The following FBXL20 variants were observed in gnomAD, a reference collection of about 807,000 sequenced individuals.
FBXL20 encodes the protein F-box and leucine rich repeat protein 20.
FBXL20 carries 11 observed loss-of-function variants against 64.0 expected under a neutral mutation model. The observed-to-expected ratio is 0.17, with a 90% CI of 0.11 to 0.28. The LOEUF (loss-of-function observed/expected upper bound fraction) is 0.28, where lower values mean the gene tolerates loss of function less well. Among genes scored for constraint, FBXL20 ranks in the 10% least tolerant of loss-of-function variants. The probability of loss-of-function intolerance (pLI) is 1.00; values close to 1 mark genes in which losing one functional copy is unlikely to be tolerated. For missense variants in FBXL20, 303 were observed against 526.2 expected, an observed-to-expected ratio of 0.58 and a Z score of 4.15; for synonymous variants, 184 against 189.0, an observed-to-expected ratio of 0.97 and a Z score of 0.22.
intron 6 of FBXL20, among the ~76,000 whole-genome samples, chr17:39,290,931 C>T (rs2047032076): frequency 6.6e-6 from 1 of 151,412 alleles, no homozygotes; most frequent in Non-Finnish European, 1.5e-5. Context: ...TTTGAACAAT[C>T]AACTTTTACT....
chr17:39,279,773 C>G (rs915731603), intron 9 of FBXL20, among the ~76,000 whole-genome samples: 4 of 152,084 alleles, frequency 2.6e-5, no homozygotes, highest in African/African-American at 9.7e-5. Flanking sequence ...TGGCACATGT[C>G]TGTAGTCCCA....
At chr17:39,351,332 G>C (rs1369882437) in intron 1 of FBXL20, among the ~76,000 whole-genome samples, 3 of 123,132 alleles carry the variant, frequency 2.4e-5, no homozygotes, top group Non-Finnish European at 4.8e-5. Flanking sequence ...GAGAAACTCT[G>C]TCTCACCAAA....
At chr17:39,373,018 T>A (rs563419964) in intron 1 of FBXL20, among the ~76,000 whole-genome samples, 6 of 152,188 alleles carry the variant, frequency 3.9e-5, no homozygotes, top group East Asian at 1.9e-4. Context: ...TTTTTTTTTT[T>A]AATCAGACTA....
intron 2 of FBXL20, among the ~76,000 whole-genome samples, chr17:39,312,517 A>G (rs554389738): frequency 7.3e-6 from 1 of 137,404 alleles, no homozygotes; most frequent in East Asian, 2.1e-4. Flanking sequence ...ACCACTCTAC[A>G]TCTAGTATGT....
intron 14 of FBXL20, among the ~76,000 whole-genome samples, chr17:39,261,865 G>A (rs2046749319): frequency 6.6e-6 from 1 of 152,168 alleles, no homozygotes; most frequent in African/African-American, 2.4e-5. Flanking sequence ...GGCGGATCAC[G>A]AGGTCAGGAG....
chr17:39,263,849 C>T, intron 14 of FBXL20: 1 of 205,248 alleles, frequency 4.9e-6, no homozygotes, highest in Non-Finnish European at 9.8e-6. Flanking sequence ...CCTTTCTTTC[C>T]TTTAGAACAA....
intron 6 of FBXL20, among the ~76,000 whole-genome samples, chr17:39,289,331 G>A (rs1019653995): frequency 2.6e-5 from 4 of 152,166 alleles, no homozygotes; most frequent in Non-Finnish European, 4.4e-5. Flanking sequence ...TGAATCTGTA[G>A]AACAATTTAA....
intron 2 of FBXL20, among the ~76,000 whole-genome samples, chr17:39,336,348 T>C (rs1038402621): frequency 1.3e-5 from 2 of 152,096 alleles, no homozygotes; most frequent in African/African-American, 4.8e-5. Flanking sequence ...CTTTTAAAAA[T>C]AGCTAATACA....
Position 39,401,391 on chromosome 17 carries a change from G to A in FBXL20, c.12C>T (p.Asp4=), listed in dbSNP as rs1199368117. MRR[D]VNGVTKSRFE... ...ACCTGCTCTTGGTCACTCCGTTCACGTCCCTCCTCATGGGGCCGGCGGGTG... is the reference window on the plus strand; with the variant it reads ...ACCTGCTCTTGGTCACTCCGTTCACATCCCTCCTCATGGGGCCGGCGGGTG... Residue 4 remains aspartate, a synonymous_variant, in exon 1 of 15, where the codon GAC becomes GAT. Coordinates refer to ENST00000264658, the MANE Select transcript of FBXL20 (RefSeq NM_032875.3). 2.5e-6 allele frequency: 4 copies of A among 1,610,912 alleles called. No homozygotes were observed. Among genetic ancestry groups the A allele is most frequent in the African/African-American group, 1.3e-5 (1 of 74,876 alleles).
chr17:39,354,308 G>A (rs1348858429), intron 1 of FBXL20, among the ~76,000 whole-genome samples: 4 of 152,218 alleles, frequency 2.6e-5, no homozygotes, highest in African/African-American at 9.6e-5. Flanking sequence ...TTTTGTTCAT[G>A]CTATTTTCTT....
intron 5 of FBXL20, 38 bp downstream of exon 5, chr17:39,298,952 C>T: frequency 1.3e-6 from 2 of 1,537,000 alleles, no homozygotes; most frequent in Non-Finnish European, 1.8e-6. Context: ...CTGCTCTTCA[C>T]TTCCATCAAG....
intron 10 of FBXL20, 106 bp from the exon 11 acceptor site, chr17:39,270,962 G>C: frequency 1.1e-6 from 1 of 882,842 alleles, no homozygotes; most frequent in Non-Finnish European, 1.7e-6. Context: ...ATTCTCTAAG[G>C]ACTTTATAAT....
intron 6 of FBXL20, among the ~76,000 whole-genome samples, chr17:39,290,154 C>T (rs897719975): frequency 6.6e-6 from 1 of 150,548 alleles, no homozygotes; most frequent in Non-Finnish European, 1.5e-5. Flanking sequence ...TTAAGTTTAT[C>T]CTTATATTTT....
In FBXL20 at chr17:39,260,743, AAG is replaced by A. The variant is rs2046737907; in HGVS notation, c.*715_*716del. 1 of 152,942 alleles carries A rather than the reference AAG, an allele frequency of 6.5e-6. No homozygotes were observed. Among genetic ancestry groups the A allele is most frequent in the Non-Finnish European group, 1.5e-5 (1 of 68,208 alleles). The allele number at this position is 152,942 out of a possible 1,614,324, so 9.5% of individuals were successfully genotyped here. A position where few individuals can be genotyped will look rare whatever the true frequency, so the allele number is the denominator to read the frequency against. On this transcript the variant is annotated 3_prime_UTR_variant, in exon 15 of 15. Coordinates refer to ENST00000264658, the MANE Select transcript of FBXL20 (RefSeq NM_032875.3). Reference sequence around the variant, plus strand: ...AGACTGAACAGGTGACAGACTGAGCAAGAGTGTGGGGGGGAGCAACAGAGAAT... The same window carrying A: ...AGACTGAACAGGTGACAGACTGAGCAAGTGTGGGGGGGAGCAACAGAGAAT...
intron 1 of FBXL20, among the ~76,000 whole-genome samples, chr17:39,372,388 G>A (rs949675145): frequency 5.3e-5 from 8 of 150,826 alleles, no homozygotes; most frequent in South Asian, 2.1e-4. Flanking sequence ...GCATGGTGAC[G>A]TGCGCCTGTA....
rs994531612 is a variant in FBXL20, at chr17:39,388,777, C to T, written c.42+12584G>A. ...GATTACAGGTGTGAGCCACCGCGCCCGGCAAAAGCTGCATTTTTTGTTGTG... is the reference window on the plus strand; with the variant it reads ...GATTACAGGTGTGAGCCACCGCGCCTGGCAAAAGCTGCATTTTTTGTTGTG... On this transcript the variant is annotated intron_variant, in intron 1 of 14. Transcript: ENST00000264658. Among the ~76,000 whole-genome samples, 15 of 150,306 alleles carry T rather than the reference C, an allele frequency of 1.0e-4. 1 individual carries two copies. The highest frequency in any genetic ancestry group is 6.8e-3 in the Middle Eastern group (2 of 294).
chr17:39,291,249 C>G (rs763280044), intron 6 of FBXL20, among the ~76,000 whole-genome samples: 8 of 151,970 alleles, frequency 5.3e-5, no homozygotes, highest in Non-Finnish European at 1.0e-4. Context: ...CACTAGCCAC[C>G]GCGCCCGGCC....
chr17:39,298,746 A>G (rs1305270788), intron 5 of FBXL20, among the ~76,000 whole-genome samples: 1 of 152,116 alleles, frequency 6.6e-6, no homozygotes, highest in Non-Finnish European at 1.5e-5. Flanking sequence ...ATTAATTTAA[A>G]AAAAACTTAT....
chr17:39,300,980 C>T (rs1163246375), intron 4 of FBXL20, 21 bp downstream of exon 4: 1 of 1,610,150 alleles, frequency 6.2e-7, no homozygotes, highest in East Asian at 2.2e-5. Context: ...AAAACTGGGG[C>T]CACACACCAC....
Sources: allele counts gnomAD v4.1 joint callset (sites outside exome capture counted in the v4.1 genomes callset), GRCh38; gene constraint gnomAD v4.1.1; transcripts MANE v1.5; gene names NCBI Gene and HGNC (gene_info 2026-07-23, HGNC 2026-07-21).